The following RBM39 variants were observed in gnomAD, a reference collection of about 807,000 sequenced individuals.
The protein encoded by RBM39 is RNA binding motif protein 39.
Under a neutral mutation model 79.6 loss-of-function variants are expected in RBM39, and 12 were observed. The ratio of observed to expected loss-of-function variants is 0.15; its 90% CI spans 0.10 to 0.24. The LOEUF (loss-of-function observed/expected upper bound fraction) is 0.24, where lower values mean the gene tolerates loss of function less well. RBM39 is among the 10% of genes least tolerant of loss of function. The pLI is 1.00. For missense variants in RBM39, 243 were observed against 653.4 expected, an observed-to-expected ratio of 0.37 and a Z score of 6.85; for synonymous variants, 185 against 208.4, an observed-to-expected ratio of 0.89 and a Z score of 0.97.
chr20:35,729,255 A>G, intron 6 of RBM39, 57 bp downstream of exon 6: 1 of 1,404,476 alleles, frequency 7.1e-7, no homozygotes, highest in Non-Finnish European at 9.6e-7. Context: ...CAAATTTAAC[A>G]GTACCATAAG....
At chr20:35,706,249 T>C (rs1179489285) in intron 14 of RBM39, among the ~76,000 whole-genome samples, 1 of 152,176 alleles carries the variant, frequency 6.6e-6, no homozygotes, top group Non-Finnish European at 1.5e-5. Context: ...TGAGAACTGC[T>C]TGAACCTGGG....
chr20:35,712,645 T>A (rs1449743966), intron 12 of RBM39, among the ~76,000 whole-genome samples: 2 of 151,996 alleles, frequency 1.3e-5, no homozygotes, highest in Admixed American at 6.6e-5. Flanking sequence ...CTCTTACTAC[T>A]ACAATAGTTT....
At chr20:35,740,753 T>C in intron 2 of RBM39, 71 bp downstream of exon 2, 1 of 1,485,862 alleles carries the variant, frequency 6.7e-7, no homozygotes, top group Non-Finnish European at 9.3e-7. Context: ...TTAGTTTACA[T>C]TTCAGCAGTA....
chr20:35,721,427 C>T (rs1159460674), intron 9 of RBM39, among the ~76,000 whole-genome samples: 1 of 152,164 alleles, frequency 6.6e-6, no homozygotes, highest in Non-Finnish European at 1.5e-5. Context: ...GGGCTAATGT[C>T]ATCCTCCTGC....
intron 6 of RBM39, among the ~76,000 whole-genome samples, chr20:35,726,408 G>A (rs2038701059): frequency 6.6e-6 from 1 of 152,198 alleles, no homozygotes; most frequent in Non-Finnish European, 1.5e-5. Flanking sequence ...TCGGATTGTA[G>A]GCGTCAGCCA....
chr20:35,739,936 C>T (rs1420722953), intron 2 of RBM39: 1 of 162,798 alleles, frequency 6.1e-6, no homozygotes, highest in Non-Finnish European at 1.4e-5. Context: ...TTTGTGACAC[C>T]AGTGATAATG....
chr20:35,735,934 G>T (rs1162249316), intron 3 of RBM39, among the ~76,000 whole-genome samples: 2 of 152,144 alleles, frequency 1.3e-5, no homozygotes, highest in African/African-American at 4.8e-5. Context: ...CAGCTTCCTT[G>T]TAAAAGCTTG....
intron 9 of RBM39, among the ~76,000 whole-genome samples, chr20:35,718,229 G>A (rs1225161427): frequency 3.3e-5 from 5 of 151,854 alleles, no homozygotes; most frequent in Non-Finnish European, 7.4e-5. Context: ...TTATTTGCTA[G>A]TATTTGCTAA....
chr20:35,710,819 C>T (rs1351845238), intron 12 of RBM39, among the ~76,000 whole-genome samples: 1 of 151,980 alleles, frequency 6.6e-6, no homozygotes, highest in African/African-American at 2.4e-5. Context: ...TATAGCAAGG[C>T]TAATAAAACA....
intron 11 of RBM39, chr20:35,713,816 G>C (rs1405732442): frequency 1.2e-5 from 2 of 171,590 alleles, no homozygotes; most frequent in African/African-American, 4.8e-5. Flanking sequence ...GGTGAGCCAG[G>C]ATCGCACAAC....
At chr20:35,718,576 CCGAGGAGGG>C (rs1230095592) in intron 9 of RBM39, among the ~76,000 whole-genome samples, 37 of 152,006 alleles carry the variant, frequency 2.4e-4, no homozygotes, top group African/African-American at 7.7e-4. Context: ...CTTTGGGAGG[CCGAGGAGGG>C]CGAATCACCA....
chr20:35,729,483 A>G lies in RBM39; in HGVS notation c.341T>C (p.Leu114Ser), dbSNP rs1276566783. Residue 114 changes from leucine (L) to serine (S), a missense_variant, in exon 5 of 17, where the codon TTG becomes TCG. Transcript: ENST00000253363. ...AAACCTTAATTTGATGCTATGAGGC[A>G]ACCCAATCTTTCCTCGGATGGCACT... Reference protein sequence around the residue: ...FNSAIRGKIGLPHSIKLSRRR... With the variant: ...FNSAIRGKIGSPHSIKLSRRR... 6 of 1,613,858 alleles carry G rather than the reference A, an allele frequency of 3.7e-6. No individual in the cohort carries two copies. Among genetic ancestry groups the G allele is most frequent in the Non-Finnish European group, 4.2e-6 (5 of 1,179,974 alleles).
intron 3 of RBM39, 43 bp downstream of exon 3, chr20:35,738,923 CAA>C (rs1377234368): frequency 1.3e-6 from 2 of 1,551,682 alleles, no homozygotes; most frequent in African/African-American, 1.4e-5. Context: ...TCTAAAACCA[CAA>C]AAAAGCTCAC....
chr20:35,721,954 C>G lies in RBM39; in HGVS notation c.688-77G>C, dbSNP rs998392870. ...CATACACCTTCCATTTGCATAACAA[C>G]TAATGTTAAAGTTTAGAGTGATAAA... On this transcript the variant is annotated intron_variant, in intron 8 of 16. Transcript: ENST00000253363. The G allele has an allele frequency of 2.4e-5, 36 of 1,494,238 alleles. No homozygotes were observed. The African/African-American group carries it at 3.9e-4, about 16-fold the overall frequency. The allele number at this position is 1,494,238 out of a possible 1,614,324, so 92.6% of individuals were successfully genotyped here. A position where few individuals can be genotyped will look rare whatever the true frequency, so the allele number is the denominator to read the frequency against.
At chr20:35,717,782 C>T (rs943936565) in intron 9 of RBM39, among the ~76,000 whole-genome samples, 7 of 152,124 alleles carry the variant, frequency 4.6e-5, no homozygotes, top group African/African-American at 1.4e-4. Context: ...AGGAGGTGGA[C>T]GCTACACAGT....
rs566510208 is a variant in RBM39 at position 35,721,226 on chromosome 20, C to G, written c.825+514G>C. Among the ~76,000 whole-genome samples, 61 of 152,262 alleles carry G rather than the reference C, an allele frequency of 4.0e-4. No individual in the cohort carries two copies. The East Asian group carries it at 0.01, about 25-fold the overall frequency. On this transcript the variant is annotated intron_variant, in intron 9 of 16. Transcript: ENST00000253363. ...CTGGGGTTACAGGTGTGAGCCACCGCACCCGGCCAACAGAAAAGAATCTTA... is the reference window on the plus strand; with the variant it reads ...CTGGGGTTACAGGTGTGAGCCACCGGACCCGGCCAACAGAAAAGAATCTTA...
chr20:35,707,514 A>T (rs1182135992), intron 13 of RBM39: 2 of 202,212 alleles, frequency 9.9e-6, no homozygotes, highest in Admixed American at 5.6e-5. Flanking sequence ...ATCCAAACAG[A>T]TGAAGGATAA....
intron 3 of RBM39, chr20:35,732,890 T>C (rs532920840): frequency 6.6e-6 from 1 of 152,348 alleles, no homozygotes; most frequent in South Asian, 2.1e-4. Context: ...AATATAGTAA[T>C]TTACCATTAA....
At chr20:35,712,785 T>C (rs2036605097) in intron 12 of RBM39, among the ~76,000 whole-genome samples, 1 of 152,164 alleles carries the variant, frequency 6.6e-6, no homozygotes, top group Non-Finnish European at 1.5e-5. Context: ...CTTATGTCAA[T>C]GAATTTCGAC....
Sources: allele counts gnomAD v4.1 joint callset (sites outside exome capture counted in the v4.1 genomes callset), GRCh38; gene constraint gnomAD v4.1.1; transcripts MANE v1.5; gene names NCBI Gene and HGNC (gene_info 2026-07-23, HGNC 2026-07-21).